The following HOMER2 variants were observed in gnomAD, a reference collection of about 807,000 sequenced individuals.
The protein encoded by HOMER2 is homer protein homolog 2.
In HOMER2, 27 loss-of-function variants were observed where a neutral mutation model predicts 47.0. The observed-to-expected ratio is 0.57, with a 90% CI of 0.42 to 0.79. The LOEUF is 0.79. Ranked by LOEUF, HOMER2 falls within the 30% of genes least tolerant of loss-of-function variation. HOMER2 has a pLI of 0.00. For missense variants in HOMER2, 443 were observed against 435.0 expected (o/e 1.02, Z -0.16); for synonymous variants, 161 against 163.8 (o/e 0.98, Z 0.13).
intron 1 of HOMER2, among the ~76,000 whole-genome samples, chr15:82,948,939 G>A (rs569431145): frequency 2.0e-5 from 3 of 152,360 alleles, no homozygotes; most frequent in Non-Finnish European, 2.9e-5. Context: ...ATACTGGGGG[G>A]CCTGTTAGGA....
intron 1 of HOMER2, among the ~76,000 whole-genome samples, chr15:82,961,042 T>C (rs917254269): frequency 3.9e-5 from 6 of 152,236 alleles, no homozygotes; most frequent in Admixed American, 2.6e-4. Context: ...AGAGATGCCT[T>C]ATCTGGCTGT....
At chr15:82,857,158 G>A (rs990940211) in intron 5 of HOMER2, among the ~76,000 whole-genome samples, 1 of 152,114 alleles carries the variant, frequency 6.6e-6, no homozygotes, top group African/African-American at 2.4e-5. Flanking sequence ...GCGTGAGGAT[G>A]AAATCTTTAT....
chr15:82,957,082 G>A (rs2054593961), upstream of HOMER2, among the ~76,000 whole-genome samples: 1 of 152,190 alleles, frequency 6.6e-6, no homozygotes, highest in South Asian at 2.1e-4. Context: ...TTCAAGACCA[G>A]CCTGACCAAC....
In HOMER2 at chr15:82,849,465, A is replaced by G; in HGVS notation, c.*250T>C. On this transcript the variant is annotated 3_prime_UTR_variant, in exon 9 of 9. Coordinates refer to ENST00000450735, the MANE Select transcript of HOMER2 (RefSeq NM_004839.4). ...AAACATCCCTGCCCTGACTGCATAA[A>G]TGTTGAAGGTAGACCTAGTTCTGGA... is the stretch of plus-strand genomic sequence containing the variant. The G allele has an allele frequency of 1.9e-6, 1 of 527,256 alleles. No individual in the cohort carries two copies. Among genetic ancestry groups the G allele is most frequent in the East Asian group, 3.1e-5 (1 of 32,686 alleles). 32.7% of individuals were successfully genotyped at this position (527,256 alleles called of 1,614,324 possible).
chr15:82,978,306 T>C (rs980863387), intron 1 of HOMER2, among the ~76,000 whole-genome samples: 17 of 152,222 alleles, frequency 1.1e-4, no homozygotes, highest in African/African-American at 3.9e-4. Context: ...TAGGTGGATG[T>C]AAACAAATTA....
At chr15:82,907,924 G>A (rs866546270) in intron 1 of HOMER2, among the ~76,000 whole-genome samples, 1 of 152,254 alleles carries the variant, frequency 6.6e-6, no homozygotes, top group Middle Eastern at 3.4e-3. Flanking sequence ...CAATAAAAAA[G>A]AAATAAAATA....
intron 2 of HOMER2, among the ~76,000 whole-genome samples, chr15:82,880,604 T>C (rs2052491503): frequency 6.6e-6 from 1 of 152,198 alleles, no homozygotes; most frequent in Non-Finnish European, 1.5e-5. Context: ...GAGGCTAATC[T>C]TCAGAGTGGG....
chr15:82,917,042 C>T (rs1278236301), intron 1 of HOMER2, among the ~76,000 whole-genome samples: 1 of 151,954 alleles, frequency 6.6e-6, no homozygotes. Flanking sequence ...CCTTGTGATT[C>T]GCCTGCCTCG....
At position 82,913,164 on chromosome 15, in the gene HOMER2, A is replaced by G. The variant is rs1186480426; in HGVS notation, c.6-20323T>C. Among the ~76,000 whole-genome samples the G allele has an allele frequency of 6.6e-6, 1 of 152,200 alleles. No individual in the cohort carries two copies. The highest frequency in any genetic ancestry group is 1.5e-5 in the Non-Finnish European group (1 of 68,030). Reference sequence around the variant, plus strand: ...ATATTTCAAAGACGACGAAGATGTCATACTGGACTCTGCTATTCACTCCTT... The same window carrying G: ...ATATTTCAAAGACGACGAAGATGTCGTACTGGACTCTGCTATTCACTCCTT... On this transcript the variant is annotated intron_variant, in intron 1 of 8. Transcript: ENST00000450735. This position sits in a 1 kb window ranked among gnomAD's most constrained non-coding sequence, Gnocchi z 4.1.
At chr15:82,986,011 C>T (rs925625646), upstream of HOMER2, 12 of 963,320 alleles carry the variant, frequency 1.2e-5, no homozygotes, top group Non-Finnish European at 1.5e-5. Flanking sequence ...TTTTCGACTG[C>T]CCAGCCACCA....
intron 1 of HOMER2, among the ~76,000 whole-genome samples, chr15:82,949,843 G>A (rs1257423000): frequency 6.6e-6 from 1 of 152,188 alleles, no homozygotes; most frequent in Non-Finnish European, 1.5e-5. Context: ...CACATGTGCT[G>A]GTGGCTGCCA....
At position 82,913,634 on chromosome 15, in the gene HOMER2, TAGACAGCAG is replaced by T. The variant is rs1567050471; in HGVS notation, c.6-20802_6-20794del. Among the ~76,000 whole-genome samples, 11 of 152,304 alleles carry T rather than the reference TAGACAGCAG, an allele frequency of 7.2e-5. No individual in the cohort carries two copies. In the South Asian group the frequency reaches 1.0e-3, roughly 14 times the overall value. On this transcript the variant is annotated intron_variant, in intron 1 of 8. Coordinates refer to ENST00000450735, the MANE Select transcript of HOMER2 (RefSeq NM_004839.4). This position sits in a 1 kb window ranked among gnomAD's most constrained non-coding sequence, Gnocchi z 4.1. ...GCTTAGAAGAGTAAACTATTGACGG[TAGACAGCAG>T]ATCACACAGTCAAGCTTTGCATGCC...
chr15:82,873,465 G>A (rs923783492), intron 3 of HOMER2, among the ~76,000 whole-genome samples: 11 of 152,176 alleles, frequency 7.2e-5, no homozygotes, highest in African/African-American at 2.2e-4. Context: ...CTCCTCCCAG[G>A]TACCGTATCA....
chr15:82,846,324 G>C (rs1457952013), downstream of HOMER2: 1 of 152,154 alleles, frequency 6.6e-6, no homozygotes, highest in Non-Finnish European at 1.5e-5. Flanking sequence ...AACTTTCTTG[G>C]AAAGATTCCT....
chr15:82,940,693 G>A (rs544204234), intron 1 of HOMER2, among the ~76,000 whole-genome samples: 1 of 152,128 alleles, frequency 6.6e-6, no homozygotes, highest in East Asian at 1.9e-4. Context: ...AGTGAGCTGA[G>A]ATGCACTCTA....
chr15:82,959,858 C>T (rs189037420), intron 1 of HOMER2, among the ~76,000 whole-genome samples: 38 of 152,184 alleles, frequency 2.5e-4, no homozygotes, highest in Middle Eastern at 6.8e-3. Flanking sequence ...TTTAGGGTTC[C>T]GGAGAAGAAC....
chr15:82,933,492 C>T (rs2054067557), intron 1 of HOMER2, among the ~76,000 whole-genome samples: 1 of 152,154 alleles, frequency 6.6e-6, no homozygotes. Flanking sequence ...AGCAATCCTC[C>T]CACCTCAGCC....
At chr15:82,970,768 T>C (rs139932306) in intron 1 of HOMER2, among the ~76,000 whole-genome samples, 45 of 152,358 alleles carry the variant, frequency 3.0e-4, no homozygotes, top group African/African-American at 1.0e-3. Context: ...TGGCCTCTTC[T>C]TGCCATGCTG....
chr15:82,869,448 A>ATT (rs1567024097), intron 3 of HOMER2, among the ~76,000 whole-genome samples: 11 of 86,508 alleles, frequency 1.3e-4, no homozygotes, highest in Admixed American at 2.5e-4. Flanking sequence ...TCTACTAAAC[A>ATT]TCTTTTTTTT....
Sources: gnomAD v4.1 joint callset for allele counts (sites outside exome capture counted in the v4.1 genomes callset) on GRCh38, gnomAD v4.1.1 for gene constraint, Gnocchi (gnomAD v3.1) non-coding constraint, MANE v1.5 for transcripts, NCBI Gene and HGNC (gene_info 2026-07-23, HGNC 2026-07-21) for gene names.